NEO1: variants seen among roughly 807,000 people sequenced by gnomAD.
NEO1 encodes neogenin.
Under a neutral mutation model 159.7 loss-of-function variants are expected in NEO1, and 63 were observed. The observed-to-expected ratio is 0.39, with a 90% confidence interval of 0.32 to 0.49. The LOEUF (loss-of-function observed/expected upper bound fraction) is 0.49, where lower values mean the gene tolerates loss of function less well. NEO1 is among the 20% of genes least tolerant of loss of function. The pLI, the probability that NEO1 is intolerant of heterozygous loss-of-function variation, is 0.85. For synonymous variants in NEO1, 633 were observed against 662.0 expected, an observed-to-expected ratio of 0.96 and a Z score of 0.67; for missense variants, 1,615 against 1,831.0, an observed-to-expected ratio of 0.88 and a Z score of 2.15.
At chr15:73,212,570 G>C (rs1455939837) in intron 7 of NEO1, among the ~76,000 whole-genome samples, 1 of 152,110 alleles carries the variant, frequency 6.6e-6, no homozygotes, top group Non-Finnish European at 1.5e-5. Context: ...GCTAAAAATA[G>C]CTTTTTCAGA....
intron 5 of NEO1, among the ~76,000 whole-genome samples, chr15:73,165,195 T>G (rs1295461255): frequency 6.6e-6 from 1 of 151,698 alleles, no homozygotes; most frequent in East Asian, 1.9e-4. Flanking sequence ...ATATGTGATG[T>G]GTTTTAAATA....
intron 1 of NEO1, among the ~76,000 whole-genome samples, chr15:73,073,379 C>G (rs1044341671): frequency 6.6e-6 from 1 of 151,896 alleles, no homozygotes; most frequent in Admixed American, 6.6e-5. Flanking sequence ...CTGAAAAGTT[C>G]CAGAAATTTA....
chr15:73,074,066 CAA>C (rs1417854690), intron 1 of NEO1, among the ~76,000 whole-genome samples: 2 of 152,168 alleles, frequency 1.3e-5, no homozygotes, highest in Non-Finnish European at 2.9e-5. Flanking sequence ...ACCATTTCAA[CAA>C]ATCTCTCCCT....
chr15:73,178,556 G>T, intron 7 of NEO1, 129 bp downstream of exon 7: 1 of 960,618 alleles, frequency 1.0e-6, no homozygotes, highest in Non-Finnish European at 1.4e-6. Flanking sequence ...AAGAGAAAAA[G>T]AATAGCAGTC....
intron 7 of NEO1, among the ~76,000 whole-genome samples, chr15:73,191,342 G>T (rs576186200): frequency 6.6e-6 from 1 of 151,928 alleles, no homozygotes; most frequent in African/African-American, 2.4e-5. Flanking sequence ...AATAGTAATT[G>T]GAAAGAACAT....
Position 73,246,599 on chromosome 15 carries a change from A to G in NEO1, c.1606+2101A>G, listed in dbSNP as rs1416672296. On this transcript the variant is annotated intron_variant, in intron 9 of 28. Coordinates refer to ENST00000261908, the MANE Select transcript of NEO1 (RefSeq NM_002499.4). ...GCCTTGAGGCATTTGACTTAGAGCA[A>G]GCATTTTGTGGGAAGGAATTTGCAT... 3.9e-5 allele frequency among the ~76,000 whole-genome samples: 6 copies of G among 152,312 alleles called. No individual in the cohort carries two copies. The East Asian group carries it at 1.2e-3, about 29-fold the overall frequency.
At chr15:73,095,064 C>A (rs1196580393) in intron 1 of NEO1, among the ~76,000 whole-genome samples, 1 of 152,028 alleles carries the variant, frequency 6.6e-6, no homozygotes, top group Non-Finnish European at 1.5e-5. Flanking sequence ...CAGAAATTAG[C>A]CGGGCATGGT....
chr15:73,150,775 A>C (rs997960917), intron 5 of NEO1, among the ~76,000 whole-genome samples: 5 of 152,320 alleles, frequency 3.3e-5, no homozygotes, highest in African/African-American at 1.2e-4. Flanking sequence ...GAAAGTTTCC[A>C]CATTCCTCTT....
intron 5 of NEO1, among the ~76,000 whole-genome samples, chr15:73,168,375 G>C (rs966371515): frequency 1.9e-5 from 1 of 51,892 alleles, no homozygotes; most frequent in Non-Finnish European, 4.9e-5. Flanking sequence ...GTAGAGACGG[G>C]GGGTGGGGGG....
chr15:73,143,275 T>A lies in NEO1; in HGVS notation c.1015+7248T>A, dbSNP rs540417050. On this transcript the variant is annotated intron_variant, in intron 5 of 28. Transcript: ENST00000261908. ...CTCCATGTTGAAGACAAGAGTGGCA[T>A]GATGCCCTGGTGCCCAGTGGCACTG... 3.2e-5 allele frequency: 5 copies of A among 157,862 alleles called. No individual in the cohort carries two copies. In the East Asian group the frequency reaches 8.3e-4, roughly 26 times the overall value. 9.8% of individuals were successfully genotyped at this position (157,862 alleles called of 1,614,324 possible). A position where few individuals can be genotyped will look rare whatever the true frequency, so the allele number is the denominator to read the frequency against.
chr15:73,300,550 T>C lies in NEO1; in HGVS notation c.4166-771T>C, dbSNP rs151204323. Among the ~76,000 whole-genome samples, 1,449 of 152,214 alleles carry C rather than the reference T, an allele frequency of 9.5e-3. 31 individuals carry two copies. Among genetic ancestry groups the C allele is most frequent in the African/African-American group, 0.033 (1,381 of 41,542 alleles). Reference sequence around the variant, plus strand: ...TTCAAGACCAGCCTGGCCACCATGGTGAAACCCCGCCTCTACTAAAAATAC... The same window carrying C: ...TTCAAGACCAGCCTGGCCACCATGGCGAAACCCCGCCTCTACTAAAAATAC... On this transcript the variant is annotated intron_variant, in intron 27 of 28. Transcript: ENST00000261908.
Position 73,126,560 on chromosome 15 carries a change from G to C in NEO1, c.868G>C (p.Asp290His). 1 of 1,612,868 alleles carries C rather than the reference G, an allele frequency of 6.2e-7. No individual in the cohort carries two copies. Residue 290 changes from aspartate to histidine, a missense_variant, in exon 4 of 29, where the codon GAC becomes CAC. Around this residue, in one of 3 missense-constraint regions of NEO1, gnomAD observed 1,018 missense variants for 1,115.4 expected, o/e 0.91. Transcript: ENST00000261908. Reference protein sequence around the residue: ...IKWMKNEEALDTESSERLVLL... With the variant: ...IKWMKNEEALHTESSERLVLL... Reference sequence around the variant, plus strand: ...ATGGATGAAAAATGAGGAGGCACTTGACACAGAAAGGTAAGTGTTGTCTGC... The same window carrying C: ...ATGGATGAAAAATGAGGAGGCACTTCACACAGAAAGGTAAGTGTTGTCTGC...
chr15:73,133,208 C>T (rs1032521820), intron 4 of NEO1, among the ~76,000 whole-genome samples: 1 of 151,786 alleles, frequency 6.6e-6, no homozygotes. Context: ...TATACACATA[C>T]TACTCAGCAA....
At chr15:73,254,904 GCT>G in intron 13 of NEO1, 75 bp downstream of exon 13, 2 of 1,462,046 alleles carry the variant, frequency 1.4e-6, no homozygotes, top group Middle Eastern at 3.7e-4. Flanking sequence ...TCTAATGACT[GCT>G]CTGAACTGTC....
At chr15:73,300,045 T>C (rs2042552925) in intron 27 of NEO1, 1 of 152,266 alleles carries the variant, frequency 6.6e-6, no homozygotes, top group Admixed American at 6.5e-5. Flanking sequence ...TTCATCTGTC[T>C]TGCATTTAAT....
Position 73,260,479 on chromosome 15 carries a change from G to C in NEO1, c.2398+14G>C, listed in dbSNP as rs138542823. On this transcript the variant is annotated intron_variant, in intron 15 of 28. Transcript: ENST00000261908. ...TTGAAAATCTGGGTATGTTTGCTAA[G>C]TAGAGAAAGTTAATTGTGTGGGAGA... 6.5e-6 allele frequency: 10 copies of C among 1,544,952 alleles called. No homozygotes were observed. The African/African-American group carries it at 1.1e-4, about 17-fold the overall frequency.
chr15:73,214,256 T>C (rs2037752832), intron 7 of NEO1, among the ~76,000 whole-genome samples: 1 of 152,258 alleles, frequency 6.6e-6, no homozygotes, highest in South Asian at 2.1e-4. Context: ...ACTTTTGCTG[T>C]GTAAAAGCTC....
At position 73,216,910 on chromosome 15, in the gene NEO1, C is replaced by T. The variant is rs1171388711; in HGVS notation, c.1292-19437C>T. ...TTCACTCTGATGGTAGTTTCTTTTGCTGTGCAGAAGCTCTTTAGTTTAATT... is the reference window on the plus strand; with the variant it reads ...TTCACTCTGATGGTAGTTTCTTTTGTTGTGCAGAAGCTCTTTAGTTTAATT... On this transcript the variant is annotated intron_variant, in intron 7 of 28. Coordinates refer to ENST00000261908, the MANE Select transcript of NEO1 (RefSeq NM_002499.4). Among the ~76,000 whole-genome samples, 5 of 152,038 alleles carry T rather than the reference C, an allele frequency of 3.3e-5. No individual in the cohort carries two copies. In the East Asian group the frequency reaches 9.7e-4, roughly 29 times the overall value.
chr15:73,239,477 A>G (rs887912559), intron 8 of NEO1, among the ~76,000 whole-genome samples: 4 of 152,218 alleles, frequency 2.6e-5, no homozygotes, highest in African/African-American at 9.6e-5. Context: ...CTAATATACA[A>G]TCGTGCATCA....
Sources: allele counts gnomAD v4.1 joint callset (sites outside exome capture counted in the v4.1 genomes callset), GRCh38; gene constraint gnomAD v4.1.1; regional missense constraint gnomAD v4.1.1; transcripts MANE v1.5; gene names NCBI Gene and HGNC (gene_info 2026-07-23, HGNC 2026-07-21).